ADAM12: variants seen among roughly 807,000 people sequenced by gnomAD.
ADAM12 encodes disintegrin and metalloproteinase domain-containing protein 12.
A neutral mutation model predicts 106.4 loss-of-function variants in ADAM12; 70 were observed. The observed-to-expected ratio is 0.66, with a 90% CI of 0.54 to 0.80. The LOEUF is 0.80. ADAM12 is among the 30% of genes least tolerant of loss of function. The pLI is 0.00. For synonymous variants in ADAM12, 420 were observed against 433.5 expected, an observed-to-expected ratio of 0.97 and a Z score of 0.39; for missense variants, 1,010 against 1,171.9, an observed-to-expected ratio of 0.86 and a Z score of 2.02.
intron 11 of ADAM12, among the ~76,000 whole-genome samples, chr10:126,089,306 T>C (rs1955418227): frequency 6.6e-6 from 1 of 152,138 alleles, no homozygotes; most frequent in Non-Finnish European, 1.5e-5. Flanking sequence ...ATATTTTACA[T>C]CAAGTGTACA....
rs878882504 is a variant in ADAM12 at position 126,131,721 on chromosome 10, G to A, written c.416+3863C>T. 1.3e-5 allele frequency among the ~76,000 whole-genome samples: 2 copies of A among 152,304 alleles called. 1 individual carries two copies. Reference sequence around the variant, plus strand: ...TCAATCTTGTCAGCTCATTGATCTTGGACTTTCCAGGCTCAAGAACTGTGA... The same window carrying A: ...TCAATCTTGTCAGCTCATTGATCTTAGACTTTCCAGGCTCAAGAACTGTGA... On this transcript the variant is annotated intron_variant, in intron 5 of 22. Coordinates refer to ENST00000448723, the MANE Select transcript of ADAM12 (RefSeq NM_001288973.2).
At chr10:126,170,311 C>A (rs1676751) in intron 3 of ADAM12, among the ~76,000 whole-genome samples, 3 of 151,876 alleles carry the variant, frequency 2.0e-5, no homozygotes, top group Non-Finnish European at 4.4e-5. Flanking sequence ...TCCGGGGCGG[C>A]GAAGAGGACC....
intron 3 of ADAM12, among the ~76,000 whole-genome samples, chr10:126,168,910 G>A (rs970507087): frequency 5.9e-5 from 9 of 152,010 alleles, no homozygotes; most frequent in African/African-American, 1.7e-4. Context: ...AAAATTAGCC[G>A]GGTATGGTGG....
In ADAM12 at chr10:126,018,713, A is replaced by T. The variant is rs558636094; in HGVS notation, c.2660+982T>A. On this transcript the variant is annotated intron_variant, in intron 22 of 22. Coordinates refer to ENST00000448723, the MANE Select transcript of ADAM12 (RefSeq NM_001288973.2). ...AACCAGGGTAAGCTGGCTCCCCTAC[A>T]CCATGGGGTTAGCCTCCCAGCATAA... is the stretch of plus-strand genomic sequence containing the variant. Among the ~76,000 whole-genome samples, 21 of 152,082 alleles carry T rather than the reference A, an allele frequency of 1.4e-4. 1 individual carries two copies. In the South Asian group the frequency reaches 1.5e-3, roughly 11 times the overall value.
At position 126,017,332 on chromosome 10, in the gene ADAM12, G is replaced by A. The variant is rs151030407; in HGVS notation, c.2668C>T (p.Pro890Ser). ...GLRLAPLRPA[P>S]QYPHQVPRST... ...CTGGGCACTTGGTGTGGATATTGTG[G>A]AGCAGGTCTGAATGAAGAGAGGAGA... The change falls in exon 23 of 23, where the codon CCA (proline) becomes TCA (serine). Residue 890 changes from proline to serine, a missense_variant. Pro to Ser is a moderately conservative substitution (Grantham distance 74). Coordinates refer to ENST00000448723, the MANE Select transcript of ADAM12 (RefSeq NM_001288973.2). 59 of 1,584,194 alleles carry A rather than the reference G, an allele frequency of 3.7e-5. No homozygotes were observed. Among genetic ancestry groups the A allele is most frequent in the Non-Finnish European group, 5.0e-5 (58 of 1,163,974 alleles).
At chr10:126,061,403 G>A (rs966622631) in intron 14 of ADAM12, among the ~76,000 whole-genome samples, 1 of 152,204 alleles carries the variant, frequency 6.6e-6, no homozygotes, top group African/African-American at 2.4e-5. Flanking sequence ...TTTGCAGAAG[G>A]TCCCTTGCTA....
rs1038504166 is a variant in ADAM12 at position 126,314,893 on chromosome 10, G to C, written c.186+15519C>G. Among the ~76,000 whole-genome samples, 6 of 152,264 alleles carry C rather than the reference G, an allele frequency of 3.9e-5. No homozygotes were observed. The East Asian group carries it at 1.2e-3, about 30-fold the overall frequency. ...CCTCGTTCAAAACCCCTGCTATGAG[G>C]CTTTCTATGGAAGGAAAGGGAGAAG... On this transcript the variant is annotated intron_variant, in intron 2 of 22. Coordinates refer to ENST00000448723, the MANE Select transcript of ADAM12 (RefSeq NM_001288973.2).
chr10:126,012,968 AAC>A lies in ADAM12; in HGVS notation c.*4309_*4310del, dbSNP rs1407735389. On this transcript the variant is annotated 3_prime_UTR_variant, in exon 23 of 23. Coordinates refer to ENST00000448723, the MANE Select transcript of ADAM12 (RefSeq NM_001288973.2). ...GTTACCTTATAGGAGAATCATGGGG[AAC>A]AGAGAAACTGCTTTTTGAAGATGAT... 1.3e-5 allele frequency: 2 copies of A among 152,198 alleles called. No homozygotes were observed. Among genetic ancestry groups the A allele is most frequent in the African/African-American group, 4.8e-5 (2 of 41,430 alleles). The allele number at this position is 152,198 out of a possible 1,614,324, so 9.4% of individuals were successfully genotyped here. A position where few individuals can be genotyped will look rare whatever the true frequency, so the allele number is the denominator to read the frequency against.
chr10:126,091,726 T>C (rs1344467228), intron 11 of ADAM12, among the ~76,000 whole-genome samples: 3 of 152,344 alleles, frequency 2.0e-5, no homozygotes, highest in Non-Finnish European at 2.9e-5. Context: ...CCATGAAGAC[T>C]TTCCAATTGG....
intron 1 of ADAM12, among the ~76,000 whole-genome samples, chr10:126,365,500 TAA>T (rs957705761): frequency 1.3e-5 from 2 of 152,044 alleles, no homozygotes; most frequent in African/African-American, 4.8e-5. Context: ...GGGTAATTTA[TAA>T]AGAAAAGAGG....
At chr10:126,231,044 A>T (rs937888906) in intron 3 of ADAM12, among the ~76,000 whole-genome samples, 2 of 152,196 alleles carry the variant, frequency 1.3e-5, no homozygotes, top group Non-Finnish European at 2.9e-5. Context: ...TAAGACATCA[A>T]CTTAAAGGGA....
intron 11 of ADAM12, among the ~76,000 whole-genome samples, chr10:126,088,504 C>G (rs988149985): frequency 2.7e-5 from 4 of 150,806 alleles, no homozygotes; most frequent in Non-Finnish European, 4.4e-5. Context: ...AGTTCAAGAC[C>G]AGCCTGTCCA....
chr10:126,097,555 T>C (rs1955579730), intron 10 of ADAM12, among the ~76,000 whole-genome samples: 1 of 152,178 alleles, frequency 6.6e-6, no homozygotes, highest in African/African-American at 2.4e-5. Context: ...CATTCACACA[T>C]GTTCTGTTTA....
intron 5 of ADAM12, among the ~76,000 whole-genome samples, chr10:126,126,854 G>A (rs1254730293): frequency 2.7e-5 from 4 of 150,376 alleles, no homozygotes; most frequent in Admixed American, 2.6e-4. Flanking sequence ...TTATAGACTC[G>A]AGGTGTTGTG....
intron 21 of ADAM12, among the ~76,000 whole-genome samples, chr10:126,026,010 C>G (rs973092875): frequency 1.3e-5 from 2 of 152,156 alleles, no homozygotes; most frequent in Admixed American, 1.3e-4. Flanking sequence ...ATTCAACATT[C>G]TTTAAAGATT....
At chr10:126,048,603 T>G (rs1003245039) in intron 16 of ADAM12, among the ~76,000 whole-genome samples, 1 of 152,020 alleles carries the variant, frequency 6.6e-6, no homozygotes, top group Non-Finnish European at 1.5e-5. Context: ...GGGGGTTGTT[T>G]CATCCTTTTC....
In ADAM12 at chr10:126,271,227, C is replaced by T. The variant is rs146091928; in HGVS notation, c.260+7688G>A. ...CTTTTCCAGGGTTCTCTATTCTCATCGAAGGCATCACTGTTCTCCTGGCAT... is the reference window on the plus strand; with the variant it reads ...CTTTTCCAGGGTTCTCTATTCTCATTGAAGGCATCACTGTTCTCCTGGCAT... On this transcript the variant is annotated intron_variant, in intron 3 of 22. Transcript: ENST00000448723. Among the ~76,000 whole-genome samples the T allele has an allele frequency of 1.4e-3, 207 of 152,294 alleles. 1 individual carries two copies. Among genetic ancestry groups the T allele is most frequent in the African/African-American group, 4.5e-3 (188 of 41,574 alleles).
intron 21 of ADAM12, among the ~76,000 whole-genome samples, chr10:126,031,908 A>C (rs1953979108): frequency 6.6e-6 from 1 of 152,170 alleles, no homozygotes; most frequent in Non-Finnish European, 1.5e-5. Flanking sequence ...GGGATGAAAA[A>C]AGTTTGTTTC....
At chr10:126,108,461 G>T in intron 8 of ADAM12, 132 bp downstream of exon 8, 1 of 758,950 alleles carries the variant, frequency 1.3e-6, no homozygotes, top group Non-Finnish European at 2.2e-6. Context: ...CACACTCAGA[G>T]GACAGGAAAC....
Sources: allele counts gnomAD v4.1 joint callset (sites outside exome capture counted in the v4.1 genomes callset), GRCh38; gene constraint gnomAD v4.1.1; transcripts MANE v1.5; gene names NCBI Gene and HGNC (gene_info 2026-07-23, HGNC 2026-07-21).